Variants in ZDHHC17 observed in about 807,000 individuals in gnomAD.
ZDHHC17 encodes palmitoyltransferase ZDHHC17.
A neutral mutation model predicts 90.3 loss-of-function variants in ZDHHC17; 40 were observed. The observed-to-expected ratio is 0.44, with a 90% confidence interval of 0.34 to 0.58. The LOEUF is 0.58. ZDHHC17 is among the 20% of genes least tolerant of loss of function. The probability of loss-of-function intolerance (pLI) is 0.01; values close to 1 mark genes in which losing one functional copy is unlikely to be tolerated. For synonymous variants in ZDHHC17, 235 were observed against 252.4 expected, an observed-to-expected ratio of 0.93 and a Z score of 0.65; for missense variants, 614 against 780.8, an observed-to-expected ratio of 0.79 and a Z score of 2.55.
At chr12:76,813,590 C>G in intron 5 of ZDHHC17, 1 of 251,392 alleles carries the variant, frequency 4.0e-6, no homozygotes, top group Non-Finnish European at 7.9e-6. Flanking sequence ...TCACAGAGAA[C>G]TGATGCATAG....
chr12:76,805,522 A>C (rs566024827), intron 3 of ZDHHC17, 83 bp downstream of exon 3: 172 of 1,158,608 alleles, frequency 1.5e-4, no homozygotes, highest in Non-Finnish European at 2.0e-4. Context: ...TATAAAAACT[A>C]ATACTTTCTA....
At chr12:76,810,501 T>G (rs1953006781) in intron 5 of ZDHHC17, among the ~76,000 whole-genome samples, 1 of 152,214 alleles carries the variant, frequency 6.6e-6, no homozygotes, top group Admixed American at 6.5e-5. Flanking sequence ...CAAGAATAAC[T>G]TTAAGATATA....
intron 10 of ZDHHC17, among the ~76,000 whole-genome samples, chr12:76,833,239 AATT>A (rs1284375424): frequency 6.6e-6 from 1 of 152,118 alleles, no homozygotes; most frequent in African/African-American, 2.4e-5. Context: ...TTTTCCAAAT[AATT>A]ATTTGATTTT....
intron 12 of ZDHHC17, among the ~76,000 whole-genome samples, 165 bp downstream of exon 12, chr12:76,843,146 C>T (rs1204985735): frequency 5.3e-5 from 8 of 152,066 alleles, no homozygotes; most frequent in Non-Finnish European, 8.8e-5. Context: ...CTTCCCAAGG[C>T]GCTTATTCCT....
chr12:76,792,744 T>C (rs758789417), intron 1 of ZDHHC17, among the ~76,000 whole-genome samples: 5 of 152,156 alleles, frequency 3.3e-5, no homozygotes, highest in Non-Finnish European at 7.3e-5. Context: ...TATGAAATCA[T>C]TTTATGTTCC....
chr12:76,797,398 TCAA>T (rs1234817836), intron 1 of ZDHHC17, 33 bp from the exon 2 acceptor site: 1 of 1,485,902 alleles, frequency 6.7e-7, no homozygotes, highest in Admixed American at 2.1e-5. Flanking sequence ...ACCTCTTTTT[TCAA>T]TTCTTGCCTG....
intron 1 of ZDHHC17, among the ~76,000 whole-genome samples, chr12:76,783,914 T>C (rs1952656167): frequency 6.6e-6 from 1 of 151,436 alleles, no homozygotes; most frequent in African/African-American, 2.4e-5. Flanking sequence ...GCCTTGATTA[T>C]GCCAGAGGGC....
At chr12:76,841,064 T>C (rs1414032952) in intron 10 of ZDHHC17, 1 of 152,162 alleles carries the variant, frequency 6.6e-6, no homozygotes, top group Non-Finnish European at 1.5e-5. Context: ...AAAGAGAGGA[T>C]TGGAGAAAAA....
chr12:76,846,307 G>T, intron 13 of ZDHHC17: 1 of 334,910 alleles, frequency 3.0e-6, no homozygotes, highest in Non-Finnish European at 5.4e-6. Context: ...ATAAAATAGG[G>T]CTATTTTAAA....
In ZDHHC17 at chr12:76,798,163, C is replaced by T. The variant is rs188792472; in HGVS notation, c.197+626C>T. 9.9e-5 allele frequency among the ~76,000 whole-genome samples: 15 copies of T among 152,152 alleles called. No individual in the cohort carries two copies. In the East Asian group the frequency reaches 2.7e-3, roughly 27 times the overall value. On this transcript the variant is annotated intron_variant, in intron 2 of 16. Transcript: ENST00000426126. ...CATCAGTGTGCATCCAATATTCTCC[C>T]GCCCGCAACCAGGTACACAGATTAG...
chr12:76,817,967 G>A (rs1318876578), intron 7 of ZDHHC17, among the ~76,000 whole-genome samples: 2 of 151,994 alleles, frequency 1.3e-5, no homozygotes, highest in Non-Finnish European at 2.9e-5. Flanking sequence ...CTATAATTGA[G>A]CTAATTATTG....
intron 1 of ZDHHC17, among the ~76,000 whole-genome samples, chr12:76,771,125 T>C (rs1952487177): frequency 6.6e-6 from 1 of 152,120 alleles, no homozygotes; most frequent in Non-Finnish European, 1.5e-5. Flanking sequence ...TTTTGGAATT[T>C]GAAAAATAAT....
At chr12:76,821,473 T>C (rs1196849172) in intron 7 of ZDHHC17, among the ~76,000 whole-genome samples, 1 of 152,150 alleles carries the variant, frequency 6.6e-6, no homozygotes, top group Non-Finnish European at 1.5e-5. Flanking sequence ...ACCCCAAGGC[T>C]CTTTATTGCT....
intron 10 of ZDHHC17, among the ~76,000 whole-genome samples, chr12:76,835,521 A>G (rs10746272): frequency 6.6e-6 from 1 of 151,226 alleles, no homozygotes; most frequent in Admixed American, 6.6e-5. Flanking sequence ...TAATTTTTTT[A>G]AATTATGAAT....
chr12:76,805,510 G>T (rs1952945397), intron 3 of ZDHHC17, 71 bp downstream of exon 3: 9 of 1,256,066 alleles, frequency 7.2e-6, no homozygotes, highest in Non-Finnish European at 9.8e-6. Flanking sequence ...AGAAGTAATT[G>T]TTATAAAAAC....
At chr12:76,819,996 A>T (rs868352814) in intron 7 of ZDHHC17, among the ~76,000 whole-genome samples, 18,639 of 61,036 alleles carry the variant, frequency 0.31, 1,485 homozygotes, top group Non-Finnish European at 0.36. Flanking sequence ...TATGTCTTAA[A>T]AAAAAAAAAA....
chr12:76,809,956 AG>A (rs2137762573), intron 5 of ZDHHC17, 99 bp downstream of exon 5: 1 of 1,288,642 alleles, frequency 7.8e-7, no homozygotes, highest in East Asian at 2.6e-5. Flanking sequence ...ATATTTAAAT[AG>A]CACTTTCTGA....
intron 4 of ZDHHC17, 103 bp downstream of exon 4, chr12:76,809,223 A>G (rs1431169806): frequency 3.5e-5 from 24 of 690,360 alleles, no homozygotes; most frequent in Non-Finnish European, 4.8e-5. Flanking sequence ...AGAGCTTATT[A>G]TGCCGTTAGT....
rs1177594828 is a variant in ZDHHC17 at position 76,809,851 on chromosome 12, A to G, written c.537A>G (p.Lys179=). The G allele has an allele frequency of 6.2e-7, 1 of 1,610,044 alleles. No homozygotes were observed. The change falls in exon 5 of 17, where the codon AAA becomes AAG. Residue 179 remains lysine (K), a synonymous_variant. Transcript: ENST00000426126. ...CAATTGTTGCTTATCTCATAGCAAA[A>G]GGACAGGTAAAAAAAATCTCAGTGG... ...HTSIVAYLIA[K]GQDVDMMDQN...
Sources: allele counts gnomAD v4.1 joint callset (sites outside exome capture counted in the v4.1 genomes callset), GRCh38; gene constraint gnomAD v4.1.1; transcripts MANE v1.5; gene names NCBI Gene and HGNC (gene_info 2026-07-23, HGNC 2026-07-21).